Variants in FZD3 observed in about 807,000 individuals in gnomAD.
The protein encoded by FZD3 is frizzled-3.
In FZD3, 30 loss-of-function variants were observed where a neutral mutation model predicts 60.7. That is an observed-to-expected ratio of 0.49 (90% CI 0.37 to 0.67). The LOEUF is 0.67. FZD3 is among the 30% of genes least tolerant of loss of function. The pLI, the probability that FZD3 is intolerant of heterozygous loss-of-function variation, is 0.00. For missense variants in FZD3, 605 were observed against 838.7 expected, an observed-to-expected ratio of 0.72 and a Z score of 3.44; for synonymous variants, 246 against 275.2, an observed-to-expected ratio of 0.89 and a Z score of 1.05.
Position 28,574,105 on chromosome 8 carries a change from T to C in FZD3, c.*11094T>C, listed in dbSNP as rs1805853288. Reference sequence around the variant, plus strand: ...CTCTGATGTGCTTTGCACTCTGCTCTTGTAGATTTATTTTGTTTACAGTAG... The same window carrying C: ...CTCTGATGTGCTTTGCACTCTGCTCCTGTAGATTTATTTTGTTTACAGTAG... On this transcript the variant is annotated 3_prime_UTR_variant, in exon 8 of 8. Transcript: ENST00000240093. 1 of 152,228 alleles carries C rather than the reference T, an allele frequency of 6.6e-6. No individual in the cohort carries two copies. Among genetic ancestry groups the C allele is most frequent in the South Asian group, 2.1e-4 (1 of 4,832 alleles). The allele number at this position is 152,228 out of a possible 1,614,324, so 9.4% of individuals were successfully genotyped here.
chr8:28,520,516 C>A, intron 3 of FZD3, 122 bp from the exon 4 acceptor site: 1 of 604,500 alleles, frequency 1.7e-6, no homozygotes, highest in Non-Finnish European at 2.7e-6. Context: ...AACTCCCCTT[C>A]AGAAAATTTT....
In FZD3 at chr8:28,555,811, C is replaced by T; in HGVS notation, c.1627C>T (p.Pro543Ser). The T allele has an allele frequency of 6.2e-7, 1 of 1,613,732 alleles. No individual in the cohort carries two copies. Among genetic ancestry groups the T allele is most frequent in the South Asian group, 1.1e-5 (1 of 91,074 alleles). ...GTCTCTCCTGAGGGATCCAAATACT[C>T]CTATCATAAGAAAGTCAAGGGGAAC... ...AQSLLRDPNT[P>S]IIRKSRGTST... Residue 543 changes from proline to serine, a missense_variant, in exon 7 of 8, where the codon CCT (proline) becomes TCT (serine). Pro to Ser is a moderately conservative substitution (Grantham distance 74, BLOSUM62 -1). Coordinates refer to ENST00000240093, the MANE Select transcript of FZD3 (RefSeq NM_017412.4).
Position 28,574,139 on chromosome 8 carries a change from C to G in FZD3, c.*11128C>G, listed in dbSNP as rs1171483220. On this transcript the variant is annotated 3_prime_UTR_variant, in exon 8 of 8. Transcript: ENST00000240093. Reference sequence around the variant, plus strand: ...TATTTTGTTTACAGTAGACTGATGTCAGTTTTTGTAAATGTTTTTTCTTAG... The same window carrying G: ...TATTTTGTTTACAGTAGACTGATGTGAGTTTTTGTAAATGTTTTTTCTTAG... 1 of 152,104 alleles carries G rather than the reference C, an allele frequency of 6.6e-6. No homozygotes were observed. The highest frequency in any genetic ancestry group is 1.5e-5 in the Non-Finnish European group (1 of 68,004). The allele number at this position is 152,104 out of a possible 1,614,324, so 9.4% of individuals were successfully genotyped here.
chr8:28,527,918 G>A lies in FZD3; in HGVS notation c.1158G>A (p.Gly386=). 1 of 1,613,968 alleles carries A rather than the reference G, an allele frequency of 6.2e-7. No homozygotes were observed. Among genetic ancestry groups the A allele is most frequent in the Middle Eastern group, 1.7e-4 (1 of 6,060 alleles). ...LAPLCLYVVV[G]VSLLLAGIIS... is the part of the protein sequence containing the mutation. ...CCCTCTGCCTGTATGTGGTAGTTGG[G>A]GTTTCTCTCCTCTTAGCTGGCATTA... is the stretch of plus-strand genomic sequence containing the variant. The change falls in exon 5 of 8, where the codon GGG becomes GGA. Residue 386 remains glycine, a synonymous_variant. Transcript: ENST00000240093. The surrounding 1 kb of genome is among the most constrained non-coding windows in gnomAD (Gnocchi z 5.0).
rs1213294938 is a variant in FZD3, at chr8:28,569,639, T to C, written c.*6628T>C. On this transcript the variant is annotated 3_prime_UTR_variant, in exon 8 of 8. Transcript: ENST00000240093. ...CATGTAAATTGATGGGATTCAGATA[T>C]TTTATCAACTGTTTTTCCATTAGTG... 6.6e-6 allele frequency: 1 copy of C among 152,178 alleles called. No homozygotes were observed. The highest frequency in any genetic ancestry group is 1.5e-5 in the Non-Finnish European group (1 of 68,022). The allele number at this position is 152,178 out of a possible 1,614,324, so 9.4% of individuals were successfully genotyped here. A position where few individuals can be genotyped will look rare whatever the true frequency, so the allele number is the denominator to read the frequency against.
chr8:28,510,229 C>T (rs1585951530), intron 3 of FZD3, among the ~76,000 whole-genome samples: 1 of 151,752 alleles, frequency 6.6e-6, no homozygotes, highest in African/African-American at 2.4e-5. Flanking sequence ...CAGTATTATT[C>T]AATGTCTGTT....
At chr8:28,537,776 A>G (rs996287917) in intron 5 of FZD3, among the ~76,000 whole-genome samples, 3 of 152,052 alleles carry the variant, frequency 2.0e-5, no homozygotes, top group Admixed American at 6.6e-5. Flanking sequence ...TCTCATTTCT[A>G]CTTTTGAGGA....
intron 5 of FZD3, among the ~76,000 whole-genome samples, chr8:28,547,220 C>T (rs988702941): frequency 6.6e-6 from 1 of 152,142 alleles, no homozygotes; most frequent in South Asian, 2.1e-4. Context: ...CTACCTTGCT[C>T]TTGTCATTTA....
At chr8:28,519,786 C>T (rs1042799143) in intron 3 of FZD3, among the ~76,000 whole-genome samples, 1 of 151,654 alleles carries the variant, frequency 6.6e-6, no homozygotes, top group Non-Finnish European at 1.5e-5. Flanking sequence ...GACCTTTCCC[C>T]GCCCTCAATG....
intron 3 of FZD3, among the ~76,000 whole-genome samples, chr8:28,518,332 A>T (rs1184286444): frequency 2.0e-5 from 3 of 151,758 alleles, no homozygotes; most frequent in Non-Finnish European, 4.4e-5. Context: ...TGCTGAGATT[A>T]CAGCCGTGAG....
chr8:28,532,825 A>G (rs1353702997), intron 5 of FZD3, among the ~76,000 whole-genome samples: 1 of 152,152 alleles, frequency 6.6e-6, no homozygotes, highest in African/African-American at 2.4e-5. Flanking sequence ...TTGTTTGCAA[A>G]TAGGGACAAA....
chr8:28,553,498 A>G (rs1372837522), intron 6 of FZD3, among the ~76,000 whole-genome samples: 1 of 152,250 alleles, frequency 6.6e-6, no homozygotes, highest in African/African-American at 2.4e-5. Flanking sequence ...TGGGCCATAT[A>G]TAAATAATTC....
Position 28,569,187 on chromosome 8 carries a change from T to C in FZD3, c.*6176T>C, listed in dbSNP as rs568353145. 73 of 151,526 alleles carry C rather than the reference T, an allele frequency of 4.8e-4. 1 individual carries two copies. The highest frequency in any genetic ancestry group is 1.7e-3 in the African/African-American group (72 of 41,444). The allele number at this position is 151,526 out of a possible 1,614,324, so 9.4% of individuals were successfully genotyped here. On this transcript the variant is annotated 3_prime_UTR_variant, in exon 8 of 8. Coordinates refer to ENST00000240093, the MANE Select transcript of FZD3 (RefSeq NM_017412.4). ...TCTTTGTGTTGTGCTTATTGGTTTT[T>C]TTTTTTAACTTAGAGCTTAATAATT...
In FZD3 at chr8:28,528,093, T is replaced by A. The variant is rs1585973601; in HGVS notation, c.1333T>A (p.Tyr445Asn). The change falls in exon 5 of 8, where the codon TAC becomes AAC. Residue 445 changes from tyrosine to asparagine, a missense_variant. Transcript: ENST00000240093. The stretch of plus-strand genomic sequence containing the variant: ...TGGATGCTACTTTTATGAGCAAGCT[T>A]ACCGGGGCATCTGGGAAACAACGTG... ...VIGCYFYEQA[Y>N]RGIWETTWIQ... is the part of the protein sequence containing the mutation. 8 of 1,613,950 alleles carry A rather than the reference T, an allele frequency of 5.0e-6. No homozygotes were observed. The East Asian group carries it at 1.8e-4, about 36-fold the overall frequency.
At chr8:28,561,779 T>C (rs1213076010) in intron 7 of FZD3, among the ~76,000 whole-genome samples, 1 of 152,236 alleles carries the variant, frequency 6.6e-6, no homozygotes, top group Admixed American at 6.5e-5. Context: ...GAAATACTTC[T>C]TGAGGCACTA....
In FZD3 at chr8:28,551,666, G is replaced by C; in HGVS notation, c.1468G>C (p.Val490Leu). ...FLMKYLMALI[V>L]GIPSVFWVGS... is the part of the protein sequence containing the mutation. ...GATGAAATACCTGATGGCTCTCATA[G>C]TTGGCATTCCCTCTGTATTTTGGGT... is the stretch of plus-strand genomic sequence containing the variant. The change falls in exon 6 of 8, where the codon GTT (valine) becomes CTT (leucine). Residue 490 changes from valine to leucine, a missense_variant. Val to Leu is a conservative substitution (Grantham distance 32, BLOSUM62 1). Coordinates refer to ENST00000240093, the MANE Select transcript of FZD3 (RefSeq NM_017412.4). The C allele has an allele frequency of 6.2e-7, 1 of 1,611,606 alleles. No individual in the cohort carries two copies. Among genetic ancestry groups the C allele is most frequent in the South Asian group, 1.1e-5 (1 of 90,948 alleles).
At chr8:28,495,736 T>A (rs1275201607) in intron 1 of FZD3, among the ~76,000 whole-genome samples, 1 of 152,052 alleles carries the variant, frequency 6.6e-6, no homozygotes, top group Admixed American at 6.5e-5. Flanking sequence ...ATAAAAAAAA[T>A]TCAGAGTCGG....
At chr8:28,561,541 G>A (rs1334978352) in intron 7 of FZD3, among the ~76,000 whole-genome samples, 1 of 151,070 alleles carries the variant, frequency 6.6e-6, no homozygotes, top group African/African-American at 2.4e-5. Flanking sequence ...GTGGATTAAC[G>A]CTTTCTGACA....
intron 5 of FZD3, among the ~76,000 whole-genome samples, chr8:28,543,040 A>G (rs572915112): frequency 5.3e-5 from 8 of 152,304 alleles, no homozygotes; most frequent in Admixed American, 2.6e-4. Flanking sequence ...ATTGAAGACA[A>G]CCTTGAAGTC....
Sources: gnomAD v4.1 joint callset for allele counts (sites outside exome capture counted in the v4.1 genomes callset) on GRCh38, gnomAD v4.1.1 for gene constraint, Gnocchi (gnomAD v3.1) non-coding constraint, MANE v1.5 for transcripts, NCBI Gene and HGNC (gene_info 2026-07-23, HGNC 2026-07-21) for gene names.